CDK12: variants seen among roughly 807,000 people sequenced by gnomAD.
CDK12 encodes cyclin dependent kinase 12, also known as cyclin-dependent kinase 12.
CDK12 carries 17 observed loss-of-function variants against 133.8 expected under a neutral mutation model. That is an observed-to-expected ratio of 0.13 (90% CI 0.09 to 0.19). The LOEUF (loss-of-function observed/expected upper bound fraction) is 0.19. Among genes scored for constraint, CDK12 ranks in the 10% least tolerant of loss-of-function variants. The pLI, the probability that CDK12 is intolerant of heterozygous loss-of-function variation, is 1.00. For synonymous variants in CDK12, 694 were observed against 683.6 expected, an observed-to-expected ratio of 1.02 and a Z score of -0.24; for missense variants, 1,508 against 1,818.7, an observed-to-expected ratio of 0.83 and a Z score of 3.11.
Position 39,481,627 on chromosome 17 carries a change from TCGCGCG to T in CDK12, c.1932-8928_1932-8923del, listed in dbSNP as rs375327281. On this transcript the variant is annotated intron_variant, in intron 2 of 13. Transcript: ENST00000447079. ...GCCCAGCACTTATGTGCTTGCTCGC[TCGCGCG>T]CTCTCTCTCTCTCTCTCTCTCTCTC... Among the ~76,000 whole-genome samples the T allele has an allele frequency of 2.2e-3, 232 of 105,150 alleles. 4 individuals are homozygous for T. Among genetic ancestry groups the T allele is most frequent in the African/African-American group, 9.6e-3 (222 of 23,242 alleles). The allele number at this position is 105,150 out of a possible 152,430, so 69.0% of individuals were successfully genotyped here.
At chr17:39,470,193 T>C (rs1287399443) in intron 1 of CDK12, among the ~76,000 whole-genome samples, 1 of 151,730 alleles carries the variant, frequency 6.6e-6, no homozygotes, top group East Asian at 1.9e-4. Flanking sequence ...GTGCAGTGGC[T>C]TACTGTAAGC....
chr17:39,486,253 C>CTTTTTT (rs35710234), intron 2 of CDK12, among the ~76,000 whole-genome samples: 9 of 86,532 alleles, frequency 1.0e-4, no homozygotes, highest in African/African-American at 2.2e-4. Flanking sequence ...CACCCTGCCT[C>CTTTTTT]TTTTTTTTTT....
chr17:39,502,179 G>A (rs554954788), intron 6 of CDK12, among the ~76,000 whole-genome samples: 29 of 136,828 alleles, frequency 2.1e-4, no homozygotes, highest in African/African-American at 8.0e-4. Context: ...TTGAAACGGA[G>A]TCTTGCTCTG....
intron 5 of CDK12, among the ~76,000 whole-genome samples, 186 bp from the exon 6 acceptor site, chr17:39,501,064 G>A (rs972292369): frequency 1.3e-5 from 2 of 152,076 alleles, no homozygotes; most frequent in African/African-American, 4.8e-5. Context: ...TATTAGCTCC[G>A]TTGTTTATTA....
At chr17:39,535,542 G>A (rs1159843109), downstream of CDK12, among the ~76,000 whole-genome samples, 3 of 152,140 alleles carry the variant, frequency 2.0e-5, no homozygotes, top group Admixed American at 1.3e-4. Context: ...CAACCTACTA[G>A]AAAATACTGT....
chr17:39,467,167 C>T (rs1212456308), intron 1 of CDK12, among the ~76,000 whole-genome samples: 3 of 151,894 alleles, frequency 2.0e-5, no homozygotes, highest in Middle Eastern at 3.4e-3. Flanking sequence ...TTAGTAGAGA[C>T]GGGGTTTCAC....
Position 39,526,143 on chromosome 17 carries a change from C to A in CDK12, c.3587C>A (p.Thr1196Asn). 1 of 1,614,202 alleles carries A rather than the reference C, an allele frequency of 6.2e-7. No homozygotes were observed. The highest frequency in any genetic ancestry group is 8.5e-7 in the Non-Finnish European group (1 of 1,180,038). The change falls in exon 13 of 14, where the codon ACC (threonine) becomes AAC (asparagine). Residue 1196 changes from threonine (T) to asparagine (N), a missense_variant. Thr to Asn is a moderately conservative substitution (Grantham distance 65, BLOSUM62 0). This residue lies in a region of CDK12 where 399 missense variants were observed against 469.6 expected (regional missense o/e 0.85). Transcript: ENST00000447079. ...ATCCTGCCTTCAGCAGAACAGACGACCCTTGAAGCTTCAAGCACACCAGCT... is the reference window on the plus strand; with the variant it reads ...ATCCTGCCTTCAGCAGAACAGACGAACCTTGAAGCTTCAAGCACACCAGCT... ...PVILPSAEQT[T>N]LEASSTPADM...
intron 3 of CDK12, among the ~76,000 whole-genome samples, chr17:39,492,169 T>C (rs1367298711): frequency 4.6e-5 from 7 of 150,560 alleles, no homozygotes; most frequent in African/African-American, 1.7e-4. Flanking sequence ...TGACCTTGGC[T>C]CACTGCCACC....
intron 2 of CDK12, among the ~76,000 whole-genome samples, chr17:39,477,600 T>C (rs2050316966): frequency 6.7e-6 from 1 of 149,142 alleles, no homozygotes; most frequent in African/African-American, 2.5e-5. Context: ...TGAGTCAGAG[T>C]CTTGCTCTGT....
chr17:39,558,770 C>G (rs531550406), intron 3 of CDK12, among the ~76,000 whole-genome samples: 2 of 152,092 alleles, frequency 1.3e-5, no homozygotes, highest in African/African-American at 2.4e-5. Context: ...CAGCCTCCCA[C>G]GTAGCTGGGA....
At position 39,510,882 on chromosome 17, in the gene CDK12, G is replaced by A. The variant is rs186322323; in HGVS notation, c.2667-647G>A. Among the ~76,000 whole-genome samples the A allele has an allele frequency of 6.2e-3, 921 of 147,842 alleles. 17 individuals are homozygous for A. The highest frequency in any genetic ancestry group is 0.022 in the African/African-American group (881 of 40,508). On this transcript the variant is annotated intron_variant, in intron 7 of 13. Transcript: ENST00000447079. The stretch of plus-strand genomic sequence containing the variant: ...CCTGGCTTGGCCTCCCAAAGTGCTG[G>A]GATTACGGGCGTGAGCCACCGTGCC...
chr17:39,517,793 A>G (rs554093150), intron 10 of CDK12, among the ~76,000 whole-genome samples: 2 of 152,306 alleles, frequency 1.3e-5, no homozygotes, highest in Non-Finnish European at 2.9e-5. Context: ...ATTTTCTCAT[A>G]GCCTTCTTGA....
chr17:39,471,052 C>T lies in CDK12; in HGVS notation c.1220C>T (p.Ala407Val), dbSNP rs183513859. ...CTCAGTAGGAAAAAGAAGGAAAGAG[C>T]AGCTGCTGCTGCTGCAGCAAAGATG... is the stretch of plus-strand genomic sequence containing the variant. Reference protein sequence around the residue: ...AELSRKKKERAAAAAAAKMDG... With the variant: ...AELSRKKKERVAAAAAAKMDG... The change falls in exon 2 of 14, where the codon GCA (alanine) becomes GTA (valine). Residue 407 changes from alanine (A) to valine (V), a missense_variant. Ala to Val is a moderately conservative substitution (Grantham distance 64). Coordinates refer to ENST00000447079, the MANE Select transcript of CDK12 (RefSeq NM_016507.4). 27 of 1,613,810 alleles carry T rather than the reference C, an allele frequency of 1.7e-5. No individual in the cohort carries two copies. The Admixed American group carries it at 3.5e-4, about 21-fold the overall frequency.
chr17:39,472,119 G>C (rs998072377), intron 2 of CDK12, among the ~76,000 whole-genome samples: 2 of 151,892 alleles, frequency 1.3e-5, no homozygotes, highest in Non-Finnish European at 2.9e-5. Context: ...CAGCAGCTGG[G>C]ACTACAGGCA....
At chr17:39,559,125 C>T (rs1251326121) in intron 3 of CDK12, among the ~76,000 whole-genome samples, 1 of 152,102 alleles carries the variant, frequency 6.6e-6, no homozygotes, top group East Asian at 1.9e-4. Context: ...CCTCCTATAC[C>T]TAAAAGAGAC....
chr17:39,520,807 C>A (rs1311104471), intron 11 of CDK12, among the ~76,000 whole-genome samples: 1 of 152,080 alleles, frequency 6.6e-6, no homozygotes, highest in Non-Finnish European at 1.5e-5. Context: ...ATTACAGGTG[C>A]CTGCCACCAC....
At chr17:39,544,381 A>C (rs990729359), upstream of CDK12, 1 of 477,638 alleles carries the variant, frequency 2.1e-6, no homozygotes, top group Non-Finnish European at 4.2e-6. Flanking sequence ...AAAGCCAATC[A>C]GAGGTCACTG....
At chr17:39,505,523 C>CAAAAAA (rs369918356) in intron 6 of CDK12, among the ~76,000 whole-genome samples, 5 of 97,668 alleles carry the variant, frequency 5.1e-5, no homozygotes, top group African/African-American at 1.8e-4. Flanking sequence ...GACTCCGTCT[C>CAAAAAA]AAAAAAAAAA....
intron 5 of CDK12, among the ~76,000 whole-genome samples, chr17:39,500,358 C>T (rs1039980344): frequency 8.6e-5 from 13 of 151,656 alleles, no homozygotes; most frequent in South Asian, 6.2e-4. Flanking sequence ...AAAGGCTGGG[C>T]GCGGTGGCTG....
Sources: allele counts gnomAD v4.1 joint callset (sites outside exome capture counted in the v4.1 genomes callset), GRCh38; gene constraint gnomAD v4.1.1; regional missense constraint gnomAD v4.1.1; transcripts MANE v1.5; gene names NCBI Gene and HGNC (gene_info 2026-07-23, HGNC 2026-07-21).